The following TXLNB variants were observed in gnomAD, a reference collection of about 807,000 sequenced individuals.
TXLNB encodes the protein taxilin beta.
Under a neutral mutation model 57.4 loss-of-function variants are expected in TXLNB, and 37 were observed. The ratio of observed to expected loss-of-function variants is 0.64; its 90% CI spans 0.50 to 0.85. The LOEUF is 0.85. TXLNB is among the 40% of genes least tolerant of loss of function. TXLNB has a pLI of 0.00. For missense variants in TXLNB, 848 were observed against 825.6 expected, an observed-to-expected ratio of 1.03 and a Z score of -0.33; for synonymous variants, 302 against 309.6, an observed-to-expected ratio of 0.98 and a Z score of 0.26.
At chr6:139,283,842 G>T (rs1380183542) in intron 2 of TXLNB, among the ~76,000 whole-genome samples, 2 of 145,714 alleles carry the variant, frequency 1.4e-5, no homozygotes, top group Non-Finnish European at 3.1e-5. Flanking sequence ...TAAATACAAT[G>T]ATTAAAGACA....
intron 8 of TXLNB, among the ~76,000 whole-genome samples, chr6:139,247,499 A>G (rs1776093293): frequency 7.2e-6 from 1 of 139,344 alleles, no homozygotes; most frequent in South Asian, 2.3e-4. Context: ...TTCAGTATAT[A>G]CACCATCATG....
chr6:139,197,266 C>T, the TXLNB span, among the ~76,000 whole-genome samples: 12 of 152,048 alleles, frequency 7.9e-5, no homozygotes, highest in African/African-American at 2.9e-4. Flanking sequence ...TATTTTTGTC[C>T]AAGGCACTTA....
chr6:139,240,962 C>G lies in TXLNB; in HGVS notation c.*1564G>C, dbSNP rs1355462078. On this transcript the variant is annotated 3_prime_UTR_variant, in exon 10 of 10. Coordinates refer to ENST00000358430, the MANE Select transcript of TXLNB (RefSeq NM_153235.4). ...GATAGGGTTGGGTTAGACATTGTTT[C>G]TTTCTTCCCTTCTCCCTCCTTCCTT... The G allele has an allele frequency of 6.6e-6, 1 of 152,304 alleles. No individual in the cohort carries two copies. The highest frequency in any genetic ancestry group is 1.5e-5 in the Non-Finnish European group (1 of 68,038). The allele number at this position is 152,304 out of a possible 1,614,324, so 9.4% of individuals were successfully genotyped here. A position where few individuals can be genotyped will look rare whatever the true frequency, so the allele number is the denominator to read the frequency against.
At chr6:139,215,708 A>C in the TXLNB span, among the ~76,000 whole-genome samples, 1 of 152,218 alleles carries the variant, frequency 6.6e-6, no homozygotes, top group Admixed American at 6.5e-5. Flanking sequence ...AATGGGAGAA[A>C]ATTTTTGCAA....
At chr6:139,220,047 C>T in the TXLNB span, among the ~76,000 whole-genome samples, 1 of 152,158 alleles carries the variant, frequency 6.6e-6, no homozygotes, top group African/African-American at 2.4e-5. Flanking sequence ...TACTCTCAAA[C>T]TGATGGTATT....
chr6:139,255,463 C>A, intron 7 of TXLNB, 101 bp downstream of exon 7: 1 of 871,334 alleles, frequency 1.1e-6, no homozygotes, highest in East Asian at 2.5e-5. Context: ...CCCCCCATCC[C>A]CTGCCACATA....
chr6:139,169,442 T>C, the TXLNB span: 1 of 152,240 alleles, frequency 6.6e-6, no homozygotes, highest in Non-Finnish European at 1.5e-5. Context: ...TCTTGTTTCA[T>C]GTATGTAATT....
At chr6:139,204,382 T>G in the TXLNB span, among the ~76,000 whole-genome samples, 1 of 152,116 alleles carries the variant, frequency 6.6e-6, no homozygotes, top group Non-Finnish European at 1.5e-5. Flanking sequence ...ATATTCTTCT[T>G]GATGGAGGCA....
the TXLNB span, among the ~76,000 whole-genome samples, chr6:139,193,241 C>CTTTTTTTTTTTTTTTTTTTTTTTTTTT: frequency 9.9e-6 from 1 of 101,212 alleles, no homozygotes; most frequent in Non-Finnish European, 2.0e-5. Flanking sequence ...CTTTGACCCT[C>CTTTTTTTTTTTTTTTTTTTTTTTTTTT]TTTTTTTTTT....
the TXLNB span, among the ~76,000 whole-genome samples, chr6:139,207,056 C>G: frequency 6.6e-6 from 1 of 152,162 alleles, no homozygotes; most frequent in African/African-American, 2.4e-5. Flanking sequence ...ACTCCACTGA[C>G]AGCAGTAGGC....
At chr6:139,257,877 C>T (rs1157839886) in intron 6 of TXLNB, among the ~76,000 whole-genome samples, 10 of 152,268 alleles carry the variant, frequency 6.6e-5, no homozygotes, top group Admixed American at 5.9e-4. Context: ...AAATGGGTTG[C>T]ATTTGTTCCT....
At chr6:139,218,226 C>T in the TXLNB span, among the ~76,000 whole-genome samples, 7 of 152,066 alleles carry the variant, frequency 4.6e-5, no homozygotes, top group Non-Finnish European at 7.4e-5. Context: ...AGTACAAGTA[C>T]GTTTGTATGT....
the TXLNB span, among the ~76,000 whole-genome samples, chr6:139,182,632 ACT>A: frequency 3.3e-5 from 5 of 152,208 alleles, no homozygotes; most frequent in South Asian, 2.1e-4. Flanking sequence ...TGTTCTCTCA[ACT>A]CTGCAGTGAG....
chr6:139,311,815 A>G, the TXLNB span, among the ~76,000 whole-genome samples: 1 of 152,172 alleles, frequency 6.6e-6, no homozygotes, highest in Admixed American at 6.5e-5. Context: ...GGATGGCTTA[A>G]ACAACAAACA....
the TXLNB span, among the ~76,000 whole-genome samples, chr6:139,209,904 G>T: frequency 8.5e-3 from 1,300 of 152,210 alleles, 12 homozygotes; most frequent in Non-Finnish European, 0.014. Flanking sequence ...AGCAAAAGAA[G>T]TATTCAGTGT....
the TXLNB span, among the ~76,000 whole-genome samples, chr6:139,195,859 G>A: frequency 6.6e-6 from 1 of 151,886 alleles, no homozygotes; most frequent in East Asian, 1.9e-4. Context: ...TTGTTCTTCT[G>A]CTTGTTTTGC....
chr6:139,163,060 C>T, the TXLNB span, among the ~76,000 whole-genome samples: 2 of 152,190 alleles, frequency 1.3e-5, no homozygotes, highest in East Asian at 1.9e-4. Context: ...AGCTGTTCTC[C>T]GTGAGGAGAC....
At chr6:139,280,813 G>A (rs2114611500) in intron 2 of TXLNB, among the ~76,000 whole-genome samples, 1 of 152,240 alleles carries the variant, frequency 6.6e-6, no homozygotes, top group Admixed American at 6.5e-5. Flanking sequence ...TCTTTCAAAT[G>A]TTAGACCTAG....
chr6:139,193,241 CTTTTTTT>C, the TXLNB span, among the ~76,000 whole-genome samples: 1 of 101,212 alleles, frequency 9.9e-6, no homozygotes, highest in Non-Finnish European at 2.0e-5. Context: ...CTTTGACCCT[CTTTTTTT>C]TTTTTTTTTT....
Sources: allele counts gnomAD v4.1 joint callset (sites outside exome capture counted in the v4.1 genomes callset), GRCh38; gene constraint gnomAD v4.1.1; transcripts MANE v1.5; gene names NCBI Gene and HGNC (gene_info 2026-07-23, HGNC 2026-07-21).